Variants in DIS3 observed in about 807,000 individuals in gnomAD.
DIS3 encodes the protein exosome complex exonuclease RRP44.
In DIS3, 103 loss-of-function variants were observed where a neutral mutation model predicts 113.0. That is an observed-to-expected ratio of 0.91 (90% CI 0.78 to 1.07). The LOEUF is 1.07. Among genes scored for constraint, DIS3 ranks in the 50% least tolerant of loss-of-function variants. The pLI is 0.00. For missense variants in DIS3, 1,121 were observed against 1,167.1 expected (o/e 0.96, Z 0.58); for synonymous variants, 402 against 394.3 (o/e 1.02, Z -0.23).
chr13:72,776,555 C>G (rs887789857), intron 4 of DIS3, among the ~76,000 whole-genome samples: 1 of 152,148 alleles, frequency 6.6e-6, no homozygotes, highest in Non-Finnish European at 1.5e-5. Context: ...GTATAATGTC[C>G]TATCACTTAA....
chr13:72,769,150 T>C (rs908968830), intron 13 of DIS3, among the ~76,000 whole-genome samples: 2 of 152,236 alleles, frequency 1.3e-5, no homozygotes, highest in Admixed American at 6.5e-5. Flanking sequence ...AATGGCAATG[T>C]TGTTAGCAAA....
intron 16 of DIS3, 22 bp from the exon 17 acceptor site, chr13:72,762,159 G>T: frequency 6.3e-7 from 1 of 1,593,948 alleles, no homozygotes; most frequent in South Asian, 1.1e-5. Context: ...AAGGAGGGAA[G>T]AGCACCATAT....
At chr13:72,779,855 A>C (rs1303812306) in intron 2 of DIS3, among the ~76,000 whole-genome samples, 3 of 152,170 alleles carry the variant, frequency 2.0e-5, no homozygotes, top group African/African-American at 7.2e-5. Context: ...CCTTTCCACC[A>C]CAAAAAAATT....
At chr13:72,771,704 T>A in intron 11 of DIS3, 91 bp downstream of exon 11, 1 of 1,264,576 alleles carries the variant, frequency 7.9e-7, no homozygotes, top group Non-Finnish European at 1.1e-6. Flanking sequence ...TAAAGCCACA[T>A]TATTCCATGT....
Position 72,766,064 on chromosome 13 carries a change from TA to T in DIS3, c.1884-7del, listed in dbSNP as rs752545054. The stretch of plus-strand genomic sequence containing the variant: ...GAGAGGATAGAGTCAAAGCCCTACA[TA>T]AAAATTAAAGAGAAAAATTATAGTC... On this transcript the variant is annotated splice_polypyrimidine_tract_variant and splice_region_variant and intron_variant, in intron 14 of 20. Coordinates refer to ENST00000377767, the MANE Select transcript of DIS3 (RefSeq NM_014953.5). 1 of 1,585,256 alleles carries T rather than the reference TA, an allele frequency of 6.3e-7. No homozygotes were observed. The highest frequency in any genetic ancestry group is 2.3e-5 in the East Asian group (1 of 44,076).
intron 15 of DIS3, among the ~76,000 whole-genome samples, chr13:72,765,207 T>G (rs1450948936): frequency 2.0e-5 from 3 of 152,102 alleles, no homozygotes; most frequent in Non-Finnish European, 2.9e-5. Context: ...CAGCACCCTA[T>G]GAGGTAGGTG....
chr13:72,772,803 T>C lies in DIS3; in HGVS notation c.1276A>G (p.Lys426Glu). Residue 426 changes from lysine (K) to glutamate (E), a missense_variant, in exon 9 of 21, where the codon AAA becomes GAA. Coordinates refer to ENST00000377767, the MANE Select transcript of DIS3 (RefSeq NM_014953.5). ...AACAAAACTTCTGTTTCAGTCTCTT[T>C]CTCTCCAACATCACCTAAATTTCTC... ...FVRNLGDVGE[K>E]ETETEVLLLE... 1 of 1,611,588 alleles carries C rather than the reference T, an allele frequency of 6.2e-7. No individual in the cohort carries two copies. Among genetic ancestry groups the C allele is most frequent in the Non-Finnish European group, 8.5e-7 (1 of 1,179,386 alleles).
chr13:72,769,177 C>T (rs563658695), intron 13 of DIS3, among the ~76,000 whole-genome samples: 5 of 152,300 alleles, frequency 3.3e-5, no homozygotes, highest in African/African-American at 1.2e-4. Flanking sequence ...TTAAACTTTA[C>T]TTGTATATTC....
chr13:72,764,710 T>C (rs7988394), intron 15 of DIS3, among the ~76,000 whole-genome samples: 114,004 of 152,044 alleles, frequency 0.75, 43,108 homozygotes, highest in African/African-American at 0.82. Flanking sequence ...ACCTTCCATT[T>C]AAGTTTCATC....
At chr13:72,773,599 G>A in intron 8 of DIS3, 85 bp downstream of exon 8, 3 of 1,409,006 alleles carry the variant, frequency 2.1e-6, no homozygotes. Flanking sequence ...CTACATAAAA[G>A]TAGATTGTTT....
chr13:72,765,724 C>T (rs534853974), intron 15 of DIS3, among the ~76,000 whole-genome samples: 5 of 152,238 alleles, frequency 3.3e-5, no homozygotes, highest in Middle Eastern at 6.8e-3. Flanking sequence ...TAGTCAAGTT[C>T]TAATACATCA....
Position 72,766,075 on chromosome 13 carries a change from G to C in DIS3, c.1884-17C>G. On this transcript the variant is annotated splice_polypyrimidine_tract_variant and intron_variant, in intron 14 of 20. Transcript: ENST00000377767. ...GTCAAAGCCCTACATAAAAATTAAA[G>C]AGAAAAATTATAGTCAAGCAAGCCA... 1.9e-6 allele frequency: 3 copies of C among 1,575,934 alleles called. No homozygotes were observed. Among genetic ancestry groups the C allele is most frequent in the Non-Finnish European group, 2.6e-6 (3 of 1,163,162 alleles).
chr13:72,772,896 C>T, intron 8 of DIS3, 57 bp from the exon 9 acceptor site: 3 of 1,501,978 alleles, frequency 2.0e-6, no homozygotes, highest in Non-Finnish European at 2.7e-6. Flanking sequence ...TACATCTTAT[C>T]ATATTAAATT....
chr13:72,758,616 C>T lies in DIS3; in HGVS notation c.*1179G>A. On this transcript the variant is annotated 3_prime_UTR_variant, in exon 21 of 21. Coordinates refer to ENST00000377767, the MANE Select transcript of DIS3 (RefSeq NM_014953.5). ...CCAAAGACTACTCAAGTCTATTTTCCTCCAACTGACACAAGTTTCTGCCTC... is the reference window on the plus strand; with the variant it reads ...CCAAAGACTACTCAAGTCTATTTTCTTCCAACTGACACAAGTTTCTGCCTC... The T allele has an allele frequency of 4.5e-6, 1 of 220,140 alleles. No individual in the cohort carries two copies. Among genetic ancestry groups the T allele is most frequent in the African/African-American group, 2.2e-5 (1 of 44,658 alleles). 13.6% of individuals were successfully genotyped at this position (220,140 alleles called of 1,614,324 possible).
chr13:72,761,593 T>C (rs1228041532), intron 18 of DIS3, 53 bp downstream of exon 18: 43 of 1,533,898 alleles, frequency 2.8e-5, no homozygotes, highest in Non-Finnish European at 2.1e-5. Context: ...GAAATTAAAT[T>C]AAAAATGAAC....
chr13:72,768,951 G>A (rs773360478), intron 13 of DIS3, 39 bp from the exon 14 acceptor site: 4 of 1,429,992 alleles, frequency 2.8e-6, no homozygotes, highest in Non-Finnish European at 3.8e-6. Context: ...TCTTATAAAT[G>A]ATAGAAAAAT....
Position 72,771,876 on chromosome 13 carries a change from A to G in DIS3, c.1524T>C (p.Asp508=). 6.2e-7 allele frequency: 1 copy of G among 1,613,718 alleles called. No individual in the cohort carries two copies. The highest frequency in any genetic ancestry group is 1.7e-5 in the Admixed American group (1 of 60,014). ...TTCCTGGCCTAATAAAATGGCTCACATCAGCAATATGAACACCAACCTTAA... is the reference window on the plus strand; with the variant it reads ...TTCCTGGCCTAATAAAATGGCTCACGTCAGCAATATGAACACCAACCTTAA... ...GNLEVGVHIA[D]VSHFIRPGNA... Residue 508 remains aspartate (D), a synonymous_variant, in exon 11 of 21, where the codon GAT becomes GAC. Coordinates refer to ENST00000377767, the MANE Select transcript of DIS3 (RefSeq NM_014953.5).
rs556801143 is a variant in DIS3, at chr13:72,758,802, G to A, written c.*993C>T. On this transcript the variant is annotated 3_prime_UTR_variant, in exon 21 of 21. Coordinates refer to ENST00000377767, the MANE Select transcript of DIS3 (RefSeq NM_014953.5). ...GAAGGCAGAGATAATTTACTTGAGTGGAACCTGGCACAACGTAAGTGCTTT... is the reference window on the plus strand; with the variant it reads ...GAAGGCAGAGATAATTTACTTGAGTAGAACCTGGCACAACGTAAGTGCTTT... 5.1e-6 allele frequency: 1 copy of A among 197,610 alleles called. No homozygotes were observed. Among genetic ancestry groups the A allele is most frequent in the East Asian group, 7.9e-5 (1 of 12,738 alleles). The allele number at this position is 197,610 out of a possible 1,614,324, so 12.2% of individuals were successfully genotyped here. A position where few individuals can be genotyped will look rare whatever the true frequency, so the allele number is the denominator to read the frequency against.
chr13:72,770,128 T>C (rs181138204), intron 13 of DIS3, among the ~76,000 whole-genome samples: 2 of 152,296 alleles, frequency 1.3e-5, no homozygotes, highest in African/African-American at 4.8e-5. Context: ...CATTTATAAG[T>C]AGGAACAGCT....
Sources: allele counts gnomAD v4.1 joint callset (sites outside exome capture counted in the v4.1 genomes callset), GRCh38; gene constraint gnomAD v4.1.1; transcripts MANE v1.5; gene names NCBI Gene and HGNC (gene_info 2026-07-23, HGNC 2026-07-21).